Variants in EEFSEC observed in about 807,000 individuals in gnomAD.
The protein encoded by EEFSEC is selenocysteine-specific elongation factor.
Under a neutral mutation model 42.1 loss-of-function variants are expected in EEFSEC, and 43 were observed. The observed-to-expected ratio is 1.02, with a 90% CI of 0.80 to 1.32. The LOEUF is 1.32. EEFSEC is among the 40% of genes most tolerant of loss of function. EEFSEC has a pLI of 0.00. For synonymous variants in EEFSEC, 354 were observed against 339.1 expected (o/e 1.04, Z -0.48); for missense variants, 745 against 803.6 (o/e 0.93, Z 0.88).
intron 1 of EEFSEC, among the ~76,000 whole-genome samples, chr3:128,177,721 A>G (rs111242833): frequency 3.9e-5 from 6 of 152,276 alleles, no homozygotes; most frequent in African/African-American, 1.4e-4. Flanking sequence ...TGCGGCATAG[A>G]TTGCTTAAAC....
At chr3:128,248,155 T>C (rs1438934652) in intron 2 of EEFSEC, among the ~76,000 whole-genome samples, 1 of 152,204 alleles carries the variant, frequency 6.6e-6, no homozygotes, top group African/African-American at 2.4e-5. Context: ...TCAATTTCTC[T>C]CTTCCTCTCT....
At chr3:128,173,315 A>T (rs1056801502) in intron 1 of EEFSEC, among the ~76,000 whole-genome samples, 1 of 152,210 alleles carries the variant, frequency 6.6e-6, no homozygotes, top group Non-Finnish European at 1.5e-5. Context: ...GTTGTTTTCC[A>T]TCTTCACTCC....
intron 1 of EEFSEC, among the ~76,000 whole-genome samples, chr3:128,185,407 T>C (rs1010072346): frequency 6.6e-6 from 1 of 152,132 alleles, no homozygotes; most frequent in Non-Finnish European, 1.5e-5. Flanking sequence ...AATATTCTTT[T>C]GTGTGCAACC....
At chr3:128,348,428 C>G (rs187124853) in intron 5 of EEFSEC, among the ~76,000 whole-genome samples, 1 of 152,198 alleles carries the variant, frequency 6.6e-6, no homozygotes. Context: ...TTCTTTCAAT[C>G]TTTTGATTAC....
intron 5 of EEFSEC, among the ~76,000 whole-genome samples, chr3:128,346,308 GT>G (rs1484509512): frequency 6.6e-6 from 1 of 152,186 alleles, no homozygotes; most frequent in African/African-American, 2.4e-5. Flanking sequence ...CTTACCATTG[GT>G]AAATGGCTTT....
intron 4 of EEFSEC, among the ~76,000 whole-genome samples, chr3:128,284,453 TG>T (rs1381309047): frequency 1.5e-5 from 2 of 136,578 alleles, no homozygotes; most frequent in African/African-American, 2.7e-5. Context: ...TGCTGGGGGT[TG>T]GGGGTGGGGG....
In EEFSEC at chr3:128,247,026, G is replaced by C; in HGVS notation, c.507G>C (p.Lys169Asn). The change falls in exon 2 of 7, where the codon AAG becomes AAC. Residue 169 changes from lysine (K) to asparagine (N), a missense_variant. Lys to Asn is a moderately conservative substitution (Grantham distance 94, BLOSUM62 0). Transcript: ENST00000254730. ...ATAAAATGACCAAGAAAATGCAGAA[G>C]ACCCTAGAGAACACCAAGTAGGTCT... ...AIDKMTKKMQ[K>N]TLENTKFRGA... 1 of 1,614,032 alleles carries C rather than the reference G, an allele frequency of 6.2e-7. No homozygotes were observed. Among genetic ancestry groups the C allele is most frequent in the Non-Finnish European group, 8.5e-7 (1 of 1,180,024 alleles).
chr3:128,298,534 A>G (rs1270221652), intron 4 of EEFSEC, among the ~76,000 whole-genome samples: 4 of 152,268 alleles, frequency 2.6e-5, no homozygotes, highest in Non-Finnish European at 5.9e-5. Flanking sequence ...TAATGATCAA[A>G]TTAAGGTAAT....
At chr3:128,197,435 T>G (rs982118926) in intron 1 of EEFSEC, among the ~76,000 whole-genome samples, 1 of 152,174 alleles carries the variant, frequency 6.6e-6, no homozygotes, top group East Asian at 1.9e-4. Flanking sequence ...CACGCCCAGC[T>G]AATTTTTTTG....
chr3:128,395,725 A>G (rs1373126859), intron 6 of EEFSEC, among the ~76,000 whole-genome samples: 1 of 152,168 alleles, frequency 6.6e-6, no homozygotes, highest in Admixed American at 6.5e-5. Flanking sequence ...GCAGCCAGGA[A>G]CGGGGCCCAG....
Position 128,341,843 on chromosome 3 carries a change from G to T in EEFSEC, c.1397G>T (p.Arg466Met), listed in dbSNP as rs747858839. 2 of 1,613,924 alleles carry T rather than the reference G, an allele frequency of 1.2e-6. No homozygotes were observed. The highest frequency in any genetic ancestry group is 1.7e-6 in the Non-Finnish European group (2 of 1,180,040). Reference protein sequence around the residue: ...DRNYADSFLPRLKVYKLKHKH... With the variant: ...DRNYADSFLPMLKVYKLKHKH... The stretch of plus-strand genomic sequence containing the variant: ...AACTACGCCGACAGCTTCCTGCCCA[G>T]GCTGAAGGTGTACAAGCTGAAGCAC... Residue 466 changes from arginine (R) to methionine (M), a missense_variant, in exon 5 of 7, where the codon AGG becomes ATG. By Grantham distance (91) the Arg-to-Met change is moderately conservative (BLOSUM62 -1). Coordinates refer to ENST00000254730, the MANE Select transcript of EEFSEC (RefSeq NM_021937.5).
At chr3:128,358,178 A>C in intron 5 of EEFSEC, 39 bp from the exon 6 acceptor site, 1 of 1,605,954 alleles carries the variant, frequency 6.2e-7, no homozygotes, top group Non-Finnish European at 8.5e-7. Flanking sequence ...AGTGTGCACC[A>C]CTAATGCCCT....
chr3:128,301,950 A>G (rs954989905), intron 4 of EEFSEC, among the ~76,000 whole-genome samples: 1 of 152,146 alleles, frequency 6.6e-6, no homozygotes, highest in African/African-American at 2.4e-5. Flanking sequence ...CTGGGGGGCT[A>G]CTCAAAGTTA....
At position 128,246,815 on chromosome 3, in the gene EEFSEC, CCTTCT is replaced by C. The variant is rs1559885045; in HGVS notation, c.317-12_317-8del. ...CTCACCACCCCTTTTCCCTTTCTAA[CCTTCT>C]CTTCTCTTATTCCAGGGGCCCAGAT... On this transcript the variant is annotated splice_polypyrimidine_tract_variant and intron_variant, in intron 1 of 6. Transcript: ENST00000254730. 3.1e-6 allele frequency: 5 copies of C among 1,612,202 alleles called. No homozygotes were observed. The highest frequency in any genetic ancestry group is 2.5e-6 in the Non-Finnish European group (3 of 1,179,264).
At chr3:128,188,062 C>A (rs1223008639) in intron 1 of EEFSEC, among the ~76,000 whole-genome samples, 1 of 152,080 alleles carries the variant, frequency 6.6e-6, no homozygotes, top group African/African-American at 2.4e-5. Context: ...GCAGACAGGT[C>A]TGTGGTTTAC....
intron 1 of EEFSEC, among the ~76,000 whole-genome samples, chr3:128,211,544 CAG>C (rs1436152667): frequency 1.3e-5 from 2 of 151,164 alleles, no homozygotes; most frequent in African/African-American, 2.4e-5. Flanking sequence ...TTTCTGGAGA[CAG>C]AGTCTTGCTC....
chr3:128,308,919 C>A (rs913171019), intron 4 of EEFSEC, among the ~76,000 whole-genome samples: 1 of 152,208 alleles, frequency 6.6e-6, no homozygotes, highest in Non-Finnish European at 1.5e-5. Flanking sequence ...TGTCTTGCAG[C>A]CTGCTAAAGA....
the EEFSEC span, among the ~76,000 whole-genome samples, chr3:128,422,414 C>A: frequency 1.3e-5 from 2 of 152,168 alleles, no homozygotes; most frequent in African/African-American, 4.8e-5. Context: ...CAGAAAGGCT[C>A]GAGGGCAGCT....
chr3:128,233,212 A>G (rs1483119301), intron 1 of EEFSEC, among the ~76,000 whole-genome samples: 1 of 152,236 alleles, frequency 6.6e-6, no homozygotes, highest in Non-Finnish European at 1.5e-5. Flanking sequence ...CATGTTATCC[A>G]GTTAACATCT....
Sources: gnomAD v4.1 joint callset for allele counts (sites outside exome capture counted in the v4.1 genomes callset) on GRCh38, gnomAD v4.1.1 for gene constraint, MANE v1.5 for transcripts, NCBI Gene and HGNC (gene_info 2026-07-23, HGNC 2026-07-21) for gene names.